Variants in ABCA4 observed in about 807,000 individuals in gnomAD.
The protein encoded by ABCA4 is retinal-specific phospholipid-transporting ATPase ABCA4.
A neutral mutation model predicts 263.7 loss-of-function variants in ABCA4; 196 were observed. That is an observed-to-expected ratio of 0.74 (90% CI 0.66 to 0.84). The LOEUF (loss-of-function observed/expected upper bound fraction) is 0.84, where lower values mean the gene tolerates loss of function less well. ABCA4 is among the 40% of genes least tolerant of loss of function. ABCA4 has a pLI of 0.00. For missense variants in ABCA4, 2,792 were observed against 2,855.1 expected (o/e 0.98, Z 0.50); for synonymous variants, 1,133 against 1,094.2 (o/e 1.04, Z -0.70).
Position 94,015,722 on chromosome 1 carries a change from T to A in ABCA4, c.5312+17A>T. ...GCTTCTCTTCAGAGGCATTAGCTAA[T>A]GGCCCAAACGGCTTACCCATACAGC... is the stretch of plus-strand genomic sequence containing the variant. On this transcript the variant is annotated intron_variant, in intron 37 of 49. Coordinates refer to ENST00000370225, the MANE Select transcript of ABCA4 (RefSeq NM_000350.3). 1 of 1,560,180 alleles carries A rather than the reference T, an allele frequency of 6.4e-7. No individual in the cohort carries two copies. Among genetic ancestry groups the A allele is most frequent in the Non-Finnish European group, 8.8e-7 (1 of 1,131,976 alleles).
chr1:94,015,912 G>A (rs747489055), intron 36 of ABCA4, 58 bp from the exon 37 acceptor site: 46 of 1,452,102 alleles, frequency 3.2e-5, no homozygotes, highest in Non-Finnish European at 4.3e-5. Context: ...TGCCAGCTCT[G>A]CAAAATGAGG....
intron 3 of ABCA4, 68 bp from the exon 4 acceptor site, chr1:94,108,784 C>T (rs893674625): frequency 1.1e-5 from 18 of 1,566,442 alleles, no homozygotes; most frequent in African/African-American, 1.5e-5. Flanking sequence ...ATATCTCATG[C>T]TATTTTTTTT....
rs1283545936 is a variant in ABCA4, at chr1:94,049,013, G to A, written c.2654-56C>T. On this transcript the variant is annotated intron_variant, in intron 17 of 49. Transcript: ENST00000370225. Reference sequence around the variant, plus strand: ...CCACCGGGAGCTGAGAACGAGCAAAGGCAGGAAAGGAGGGGAGAGGTACAG... The same window carrying A: ...CCACCGGGAGCTGAGAACGAGCAAAAGCAGGAAAGGAGGGGAGAGGTACAG... 28 of 1,574,700 alleles carry A rather than the reference G, an allele frequency of 1.8e-5. No homozygotes were observed. In the Admixed American group the frequency reaches 4.7e-4, roughly 26 times the overall value.
intron 16 of ABCA4, among the ~76,000 whole-genome samples, chr1:94,052,611 A>C (rs952947893): frequency 2.1e-4 from 32 of 152,246 alleles, no homozygotes; most frequent in African/African-American, 7.5e-4. Context: ...AATTTTAATC[A>C]ACTAATTTTC....
intron 44 of ABCA4, among the ~76,000 whole-genome samples, chr1:94,002,836 T>A (rs560967874): frequency 5.1e-4 from 78 of 152,304 alleles, no homozygotes; most frequent in African/African-American, 1.8e-3. Flanking sequence ...CTCTCTAATG[T>A]ACTGGATATT....
chr1:94,010,742 A>C (rs1332430523), intron 40 of ABCA4, 58 bp downstream of exon 40: 1 of 1,612,778 alleles, frequency 6.2e-7, no homozygotes. Flanking sequence ...TGTGGGTATA[A>C]GGTCCAGTTC....
chr1:94,049,642 C>A (rs987717247), intron 17 of ABCA4, among the ~76,000 whole-genome samples: 7 of 152,048 alleles, frequency 4.6e-5, no homozygotes, highest in African/African-American at 1.7e-4. Flanking sequence ...AAAACAAAAA[C>A]AAAGTCTATT....
chr1:94,091,493 C>T (rs1445327705), intron 6 of ABCA4, among the ~76,000 whole-genome samples: 5 of 151,566 alleles, frequency 3.3e-5, no homozygotes, highest in African/African-American at 4.9e-5. Flanking sequence ...GTCAAAGAAC[C>T]GGAAGAGACT....
intron 6 of ABCA4, among the ~76,000 whole-genome samples, chr1:94,086,607 C>G (rs901751171): frequency 3.9e-5 from 6 of 151,920 alleles, no homozygotes; most frequent in Non-Finnish European, 8.8e-5. Flanking sequence ...CAAGGCAAAA[C>G]TGTCTCTGCA....
At chr1:94,010,701 G>A (rs769765157) in intron 40 of ABCA4, 99 bp downstream of exon 40, 1 of 1,550,208 alleles carries the variant, frequency 6.5e-7, no homozygotes, top group Non-Finnish European at 8.9e-7. Context: ...AAAACATTGT[G>A]GAGTGGGGCT....
intron 6 of ABCA4, among the ~76,000 whole-genome samples, chr1:94,093,883 T>A (rs973729795): frequency 6.6e-6 from 1 of 152,234 alleles, no homozygotes; most frequent in African/African-American, 2.4e-5. Context: ...ATACTAATGC[T>A]ATAAATCAAA....
rs112164954 is a variant in ABCA4, at chr1:94,097,789, A to G, written c.768+1005T>C. ...TATTGAGACGGAGTCTTGCTCTGTC[A>G]CCCAGGCTGGAGTGCAGTGGCGCAA... On this transcript the variant is annotated intron_variant, in intron 6 of 49. Coordinates refer to ENST00000370225, the MANE Select transcript of ABCA4 (RefSeq NM_000350.3). 3.5e-3 allele frequency among the ~76,000 whole-genome samples: 537 copies of G among 152,190 alleles called. 2 individuals carry two copies. Among genetic ancestry groups the G allele is most frequent in the East Asian group, 0.014 (72 of 5,166 alleles).
intron 44 of ABCA4, among the ~76,000 whole-genome samples, chr1:94,004,365 C>T (rs1216250617): frequency 1.3e-5 from 2 of 152,166 alleles, no homozygotes; most frequent in African/African-American, 2.4e-5. Context: ...GTCCCAATAA[C>T]ATCAAAACAT....
At chr1:94,055,512 G>C (rs183571073) in intron 15 of ABCA4, among the ~76,000 whole-genome samples, 197 bp from the exon 16 acceptor site, 1 of 152,122 alleles carries the variant, frequency 6.6e-6, no homozygotes, top group African/African-American at 2.4e-5. Flanking sequence ...CTGCAAACAA[G>C]AGAGTCTCTA....
chr1:94,111,931 A>T (rs961777648), intron 2 of ABCA4, among the ~76,000 whole-genome samples: 11 of 152,192 alleles, frequency 7.2e-5, no homozygotes, highest in East Asian at 3.9e-4. Context: ...GCTTGAGCAG[A>T]CGCTCGTCTA....
rs1362746093 is a variant in ABCA4, at chr1:94,048,869, G to A, written c.2742C>T (p.His914=). Residue 914 remains histidine, a splice_region_variant and synonymous_variant, in exon 18 of 50, where the codon CAC becomes CAT. Transcript: ENST00000370225. ...TEDPEHPEGI[H]DSFFEREHPG... ...GTGTATTCTTTATCGGGGTTTTACC[G>A]TGTATTCCTTCTGGGTGCTCTGGAT... is the stretch of plus-strand genomic sequence containing the variant. 6.8e-6 allele frequency: 11 copies of A among 1,613,848 alleles called. No individual in the cohort carries two copies. The highest frequency in any genetic ancestry group is 1.3e-5 in the African/African-American group (1 of 74,894).
In ABCA4 at chr1:94,077,757, T is replaced by C. The variant is rs1439777150; in HGVS notation, c.1487A>G (p.Asn496Ser). ...PRESQADDMA[N>S]FDWRDIFNIT... ...GTTAAATATGTCCCTCCAGTCGAAG[T>C]TGGCCATGTCGTCAGCCTGGCTTTC... The change falls in exon 11 of 50, where the codon AAC becomes AGC. Residue 496 changes from asparagine (N) to serine (S), a missense_variant. Transcript: ENST00000370225. The C allele has an allele frequency of 2.5e-6, 4 of 1,614,204 alleles. No individual in the cohort carries two copies. Among genetic ancestry groups the C allele is most frequent in the Non-Finnish European group, 3.4e-6 (4 of 1,180,036 alleles).
rs77104761 is a variant in ABCA4 at position 94,066,755 on chromosome 1, G to A, written c.1555-3438C>T. On this transcript the variant is annotated intron_variant, in intron 11 of 49. Transcript: ENST00000370225. ...GATAAGCCACACTCTAGCCACAAGC[G>A]GGGGTGTAACATCCCTGAACAAGAA... Among the ~76,000 whole-genome samples, 677 of 152,338 alleles carry A rather than the reference G, an allele frequency of 4.4e-3. 6 individuals are homozygous for A. The highest frequency in any genetic ancestry group is 0.016 in the African/African-American group (650 of 41,562).
At position 94,013,714 on chromosome 1, in the gene ABCA4, A is replaced by G. The variant is rs138367452; in HGVS notation, c.5460+829T>C. ...TCTGGACAGGGGGAGGTCAGGTGGA[A>G]GGGACAACTGGGCTTGGCAGCTCAT... On this transcript the variant is annotated intron_variant, in intron 38 of 49. Transcript: ENST00000370225. 6.6e-5 allele frequency among the ~76,000 whole-genome samples: 10 copies of G among 152,278 alleles called. No individual in the cohort carries two copies. The East Asian group carries it at 1.9e-3, about 29-fold the overall frequency.
Sources: gnomAD v4.1 joint callset for allele counts (sites outside exome capture counted in the v4.1 genomes callset) on GRCh38, gnomAD v4.1.1 for gene constraint, MANE v1.5 for transcripts, NCBI Gene and HGNC (gene_info 2026-07-23, HGNC 2026-07-21) for gene names.